The following CSGALNACT1 variants were observed in gnomAD, a reference collection of about 807,000 sequenced individuals.
CSGALNACT1 encodes chondroitin sulfate N-acetylgalactosaminyltransferase 1.
A neutral mutation model predicts 51.0 loss-of-function variants in CSGALNACT1; 52 were observed. That is an observed-to-expected ratio of 1.02 (90% confidence interval 0.82 to 1.29). The LOEUF (loss-of-function observed/expected upper bound fraction) is 1.29. Ranked by LOEUF, CSGALNACT1 falls within the 50% of genes most tolerant of loss-of-function variation. The pLI is 0.00. For missense variants in CSGALNACT1, 935 were observed against 679.2 expected (o/e 1.38, Z -4.19); for synonymous variants, 341 against 254.4 (o/e 1.34, Z -3.24).
At chr8:19,618,138 C>A (rs370358342) in intron 1 of CSGALNACT1, among the ~76,000 whole-genome samples, 2 of 152,202 alleles carry the variant, frequency 1.3e-5, no homozygotes, top group South Asian at 4.2e-4. Context: ...CTCACCCCCC[C>A]GACAAAGCAC....
chr8:19,516,850 G>T (rs2079622836), intron 3 of CSGALNACT1, among the ~76,000 whole-genome samples: 1 of 152,162 alleles, frequency 6.6e-6, no homozygotes, highest in Non-Finnish European at 1.5e-5. Context: ...GGGGATCGAG[G>T]TGAACACAGC....
At position 19,458,643 on chromosome 8, in the gene CSGALNACT1, C is replaced by T. The variant is rs976832473; in HGVS notation, c.635-1G>A. The T allele has an allele frequency of 1.2e-6, 2 of 1,613,470 alleles. No homozygotes were observed. Among genetic ancestry groups the T allele is most frequent in the African/African-American group, 1.3e-5 (1 of 74,856 alleles). ...TTGTCCCTTTCTGTTCGGTAGATCCCTGTTAAGAGAAAAACAAGGAAAGAT... is the reference window on the plus strand; with the variant it reads ...TTGTCCCTTTCTGTTCGGTAGATCCTTGTTAAGAGAAAAACAAGGAAAGAT... On this transcript the variant is annotated splice_acceptor_variant, in intron 4 of 9. Transcript: ENST00000454498. LOFTEE classifies it high-confidence loss of function.
At chr8:19,495,617 C>T (rs2075315429) in intron 4 of CSGALNACT1, among the ~76,000 whole-genome samples, 1 of 152,118 alleles carries the variant, frequency 6.6e-6, no homozygotes, top group Non-Finnish European at 1.5e-5. Context: ...CCTTAGGGCA[C>T]AAGCTCCAGA....
At chr8:19,528,500 G>A (rs1249611526) in intron 3 of CSGALNACT1, among the ~76,000 whole-genome samples, 1 of 151,954 alleles carries the variant, frequency 6.6e-6, no homozygotes, top group Non-Finnish European at 1.5e-5. Flanking sequence ...CCTTTTCTTG[G>A]CCAAAGTGAC....
intron 8 of CSGALNACT1, among the ~76,000 whole-genome samples, chr8:19,414,457 G>C (rs10097813): frequency 0.011 from 1,636 of 152,102 alleles, 30 homozygotes; most frequent in African/African-American, 0.037. Flanking sequence ...TTCTACACAT[G>C]AAAGCACCAG....
At chr8:19,577,850 C>T (rs1014569590) in intron 3 of CSGALNACT1, among the ~76,000 whole-genome samples, 2 of 152,170 alleles carry the variant, frequency 1.3e-5, no homozygotes, top group Admixed American at 6.5e-5. Context: ...CCTCCCAGGT[C>T]CCCTATAGCA....
intron 4 of CSGALNACT1, among the ~76,000 whole-genome samples, chr8:19,475,832 C>A (rs1299297960): frequency 2.0e-5 from 3 of 152,192 alleles, no homozygotes; most frequent in Admixed American, 6.5e-5. Context: ...AATGGCCTTA[C>A]AGAGACAGCC....
rs756025465 is a variant in CSGALNACT1, at chr8:19,644,709, C to CAAAA, written c.-544+37760_-544+37763dup. On this transcript the variant is annotated intron_variant, in intron 1 of 9. Transcript: ENST00000332246. Reference sequence around the variant, plus strand: ...TGGGTAACAGAGCGAGACTCCGTCTCAAAAAAAAAAAAAAAAAAAAAAAAA... The same window carrying CAAAA: ...TGGGTAACAGAGCGAGACTCCGTCTCAAAAAAAAAAAAAAAAAAAAAAAAAAAAA... Among the ~76,000 whole-genome samples, 33 of 22,270 alleles carry CAAAA rather than the reference C, an allele frequency of 1.5e-3. 1 individual carries two copies. Among genetic ancestry groups the CAAAA allele is most frequent in the African/African-American group, 3.7e-3 (28 of 7,652 alleles). The allele number at this position is 22,270 out of a possible 152,430, so 14.6% of individuals were successfully genotyped here.
At chr8:19,606,996 A>G (rs940133582), upstream of CSGALNACT1, among the ~76,000 whole-genome samples, 1 of 152,082 alleles carries the variant, frequency 6.6e-6, no homozygotes, top group Non-Finnish European at 1.5e-5. Flanking sequence ...TGTACTAAAA[A>G]TACAAAAAAT....
intron 1 of CSGALNACT1, among the ~76,000 whole-genome samples, chr8:19,614,731 T>C (rs1203471625): frequency 1.3e-5 from 2 of 152,216 alleles, no homozygotes; most frequent in African/African-American, 4.8e-5. Flanking sequence ...TGACATAGTT[T>C]ATGTGTTCCA....
chr8:19,669,344 C>A (rs1329918421), intron 1 of CSGALNACT1, among the ~76,000 whole-genome samples: 1 of 152,186 alleles, frequency 6.6e-6, no homozygotes, highest in Non-Finnish European at 1.5e-5. Flanking sequence ...TAAATTTCAT[C>A]CCGAGATGGA....
At chr8:19,441,436 T>C (rs2061319874) in intron 5 of CSGALNACT1, among the ~76,000 whole-genome samples, 1 of 152,190 alleles carries the variant, frequency 6.6e-6, no homozygotes, top group Non-Finnish European at 1.5e-5. Flanking sequence ...CCATCTGATC[T>C]TTGACAAACC....
chr8:19,446,443 C>T (rs4307360), intron 5 of CSGALNACT1, among the ~76,000 whole-genome samples: 86,163 of 151,858 alleles, frequency 0.57, 24,966 homozygotes, highest in East Asian at 0.85. Context: ...TCTCCGTGCA[C>T]GAGCTCCCCA....
At chr8:19,751,915 A>C (rs183872819) in intron 1 of CSGALNACT1, among the ~76,000 whole-genome samples, 1 of 152,044 alleles carries the variant, frequency 6.6e-6, no homozygotes. Flanking sequence ...TCTTTTCTTC[A>C]TAAATTACCC....
At chr8:19,418,380 C>T (rs1468867570) in intron 8 of CSGALNACT1, among the ~76,000 whole-genome samples, 1 of 152,176 alleles carries the variant, frequency 6.6e-6, no homozygotes, top group South Asian at 2.1e-4. Flanking sequence ...CATAATGCAA[C>T]AATACCAGTT....
intron 3 of CSGALNACT1, among the ~76,000 whole-genome samples, chr8:19,581,561 C>T (rs1157244718): frequency 3.3e-5 from 5 of 152,078 alleles, no homozygotes; most frequent in East Asian, 1.9e-4. Context: ...GAGCCGAGAT[C>T]GTGCCACTGC....
chr8:19,748,352 G>A (rs559276280), intron 1 of CSGALNACT1, among the ~76,000 whole-genome samples: 3 of 152,222 alleles, frequency 2.0e-5, no homozygotes, highest in South Asian at 4.1e-4. Flanking sequence ...TTATCATAGC[G>A]ACAGGTACAC....
chr8:19,471,771 A>G (rs977553183), intron 4 of CSGALNACT1, among the ~76,000 whole-genome samples: 10 of 152,196 alleles, frequency 6.6e-5, no homozygotes, highest in Admixed American at 3.9e-4. Context: ...CTGAAGTGAG[A>G]AAACTCAACG....
intron 1 of CSGALNACT1, among the ~76,000 whole-genome samples, chr8:19,669,848 C>T (rs955674177): frequency 2.6e-5 from 4 of 152,172 alleles, no homozygotes; most frequent in African/African-American, 9.7e-5. Flanking sequence ...CAGCTTATTG[C>T]AGCATGAAGG....
Sources: gnomAD v4.1 joint callset for allele counts (sites outside exome capture counted in the v4.1 genomes callset) on GRCh38, gnomAD v4.1.1 for gene constraint, MANE v1.5 for transcripts, NCBI Gene and HGNC (gene_info 2026-07-23, HGNC 2026-07-21) for gene names.